The following TRMT44 variants were observed in gnomAD, a reference collection of about 807,000 sequenced individuals.
TRMT44 encodes the protein probable tRNA (uracil-O(2)-)-methyltransferase.
Under a neutral mutation model 77.3 loss-of-function variants are expected in TRMT44, and 78 were observed. The observed-to-expected ratio is 1.01, with a 90% CI of 0.84 to 1.22. The LOEUF (loss-of-function observed/expected upper bound fraction) is 1.22. Among genes scored for constraint, TRMT44 ranks in the 50% most tolerant of loss-of-function variants. The pLI, the probability that TRMT44 is intolerant of heterozygous loss-of-function variation, is 0.00. For missense variants in TRMT44, 1,090 were observed against 964.4 expected, an observed-to-expected ratio of 1.13 and a Z score of -1.73; for synonymous variants, 391 against 383.3, an observed-to-expected ratio of 1.02 and a Z score of -0.23.
Position 8,464,099 on chromosome 4 carries a change from G to A in TRMT44, c.1310+8G>A. ...ACCTGTCATTGCAGCCAGGTGAGAA[G>A]TAGAGGAGTTATCAGGTGAATGGCT... On this transcript the variant is annotated splice_region_variant and intron_variant, in intron 7 of 10. Coordinates refer to ENST00000389737, the MANE Select transcript of TRMT44 (RefSeq NM_152544.3). 1 of 1,610,962 alleles carries A rather than the reference G, an allele frequency of 6.2e-7. No individual in the cohort carries two copies. The highest frequency in any genetic ancestry group is 8.5e-7 in the Non-Finnish European group (1 of 1,177,472).
intron 8 of TRMT44, among the ~76,000 whole-genome samples, chr4:8,467,242 G>A (rs560178232): frequency 3.3e-5 from 5 of 152,288 alleles, no homozygotes; most frequent in South Asian, 2.1e-4. Flanking sequence ...ACTCTGCAGC[G>A]TTACCATCAG....
chr4:8,499,046 C>G, the TRMT44 span, among the ~76,000 whole-genome samples: 80 of 152,056 alleles, frequency 5.3e-4, no homozygotes, highest in East Asian at 0.015. Context: ...GGGGCAGATA[C>G]AGCTGCAGCA....
intron 6 of TRMT44, among the ~76,000 whole-genome samples, chr4:8,462,516 C>G (rs1453296485): frequency 6.6e-6 from 1 of 152,154 alleles, no homozygotes; most frequent in Non-Finnish European, 1.5e-5. Flanking sequence ...ACCAGCCTGA[C>G]TAACATGGTG....
At chr4:8,513,545 T>C in the TRMT44 span, among the ~76,000 whole-genome samples, 1 of 152,076 alleles carries the variant, frequency 6.6e-6, no homozygotes, top group Non-Finnish European at 1.5e-5. Context: ...AGTCAGACCA[T>C]AATAGAATGA....
At chr4:8,513,565 G>C in the TRMT44 span, among the ~76,000 whole-genome samples, 2 of 152,156 alleles carry the variant, frequency 1.3e-5, no homozygotes, top group East Asian at 3.8e-4. Context: ...AAAAATGTCA[G>C]CTCATCAAAA....
chr4:8,496,272 C>A (rs1425739001), downstream of TRMT44, among the ~76,000 whole-genome samples: 1 of 152,236 alleles, frequency 6.6e-6, no homozygotes, highest in Admixed American at 6.5e-5. Context: ...GCTTTTACTT[C>A]CTTCCTTTGT....
At chr4:8,491,456 AGG>A (rs1269178956) in intron 2 of TRMT44, among the ~76,000 whole-genome samples, 2 of 152,172 alleles carry the variant, frequency 1.3e-5, no homozygotes, top group Admixed American at 6.5e-5. Context: ...GCCGTGGAGC[AGG>A]GGGTGGTGCT....
chr4:8,464,802 T>C (rs1047326633), intron 7 of TRMT44, among the ~76,000 whole-genome samples: 1 of 152,222 alleles, frequency 6.6e-6, no homozygotes, highest in Non-Finnish European at 1.5e-5. Context: ...TGAAAAGATA[T>C]ACTATGTTGC....
chr4:8,480,776 G>T (rs1316742065), downstream of TRMT44, among the ~76,000 whole-genome samples: 3 of 152,118 alleles, frequency 2.0e-5, no homozygotes, highest in Non-Finnish European at 2.9e-5. Context: ...GTCCTGCCCT[G>T]CAAATCAGAA....
downstream of TRMT44, among the ~76,000 whole-genome samples, chr4:8,481,243 C>A (rs544757940): frequency 3.9e-5 from 6 of 152,242 alleles, no homozygotes. Context: ...AAGCTTCCCT[C>A]CCCTGCTCCG....
chr4:8,490,430 G>T (rs1727961221), intron 2 of TRMT44, among the ~76,000 whole-genome samples: 1 of 152,094 alleles, frequency 6.6e-6, no homozygotes, highest in Non-Finnish European at 1.5e-5. Flanking sequence ...TGAAGCTGCA[G>T]ACCTTCGCCG....
intron 3 of TRMT44, among the ~76,000 whole-genome samples, chr4:8,450,978 G>C (rs1046697314): frequency 8.6e-5 from 13 of 151,976 alleles, no homozygotes; most frequent in African/African-American, 3.1e-4. Flanking sequence ...TAGAGACAAA[G>C]TTTTGCCATG....
At chr4:8,488,732 C>T (rs1727898314) in intron 2 of TRMT44, among the ~76,000 whole-genome samples, 1 of 152,228 alleles carries the variant, frequency 6.6e-6, no homozygotes, top group South Asian at 2.1e-4. Flanking sequence ...AACAAGGTTT[C>T]TGGTGCAGCC....
intron 7 of TRMT44, among the ~76,000 whole-genome samples, chr4:8,464,746 A>C (rs1370143363): frequency 6.6e-6 from 1 of 152,250 alleles, no homozygotes; most frequent in East Asian, 1.9e-4. Flanking sequence ...CCTTGATAAC[A>C]GGAACTGTGG....
chr4:8,458,620 A>T (rs1166208956), intron 6 of TRMT44, among the ~76,000 whole-genome samples: 1 of 151,498 alleles, frequency 6.6e-6, no homozygotes, highest in East Asian at 2.0e-4. Context: ...ATGCCCAGCT[A>T]TTTTTTGTAT....
At chr4:8,475,622 C>T in intron 10 of TRMT44, 150 bp from the exon 11 acceptor site, 2 of 707,370 alleles carry the variant, frequency 2.8e-6, no homozygotes, top group South Asian at 1.8e-5. Flanking sequence ...GGCAGACTCA[C>T]TGTGACCAGC....
the TRMT44 span, among the ~76,000 whole-genome samples, chr4:8,513,287 G>T: frequency 6.6e-6 from 1 of 152,188 alleles, no homozygotes; most frequent in Non-Finnish European, 1.5e-5. Flanking sequence ...GCTGGCAGCA[G>T]GCAAAAAGAG....
intron 3 of TRMT44, among the ~76,000 whole-genome samples, 154 bp downstream of exon 3, chr4:8,450,042 C>T (rs954987584): frequency 7.1e-6 from 1 of 140,840 alleles, no homozygotes; most frequent in Non-Finnish European, 1.5e-5. Context: ...TCTTGGCTCA[C>T]TGCAACCTCT....
At chr4:8,506,112 T>C in the TRMT44 span, among the ~76,000 whole-genome samples, 4 of 152,252 alleles carry the variant, frequency 2.6e-5, no homozygotes, top group Non-Finnish European at 5.9e-5. Context: ...GCCCTGAGTA[T>C]GTGCTCCTGA....
Sources: allele counts gnomAD v4.1 joint callset (sites outside exome capture counted in the v4.1 genomes callset), GRCh38; gene constraint gnomAD v4.1.1; transcripts MANE v1.5; gene names NCBI Gene and HGNC (gene_info 2026-07-23, HGNC 2026-07-21).